The following RTCB variants were observed in gnomAD, a reference collection of about 807,000 sequenced individuals.
The protein encoded by RTCB is RNA 2',3'-cyclic phosphate and 5'-OH ligase, also known as RNA-splicing ligase RTCB.
A neutral mutation model predicts 58.2 loss-of-function variants in RTCB; 32 were observed. The ratio of observed to expected loss-of-function variants is 0.55; its 90% CI spans 0.41 to 0.74. RTCB has a LOEUF of 0.74. RTCB is among the 30% of genes least tolerant of loss of function. RTCB has a pLI of 0.00. For missense variants in RTCB, 523 were observed against 639.0 expected (o/e 0.82, Z 1.96); for synonymous variants, 247 against 218.6 (o/e 1.13, Z -1.15).
rs1050398513 is a variant in RTCB, at chr22:32,401,501, T to A, written c.497+246A>T. 1.3e-5 allele frequency: 5 copies of A among 399,474 alleles called. No individual in the cohort carries two copies. In the Admixed American group the frequency reaches 1.6e-4, roughly 13 times the overall value. The allele number at this position is 399,474 out of a possible 1,614,324, so 24.7% of individuals were successfully genotyped here. ...TCAGCACCTTACACATAGAAAGTGC[T>A]CAATAAACGTTGGTGGATATGATGT... On this transcript the variant is annotated intron_variant, in intron 5 of 11. Coordinates refer to ENST00000216038, the MANE Select transcript of RTCB (RefSeq NM_014306.5).
intron 1 of RTCB, among the ~76,000 whole-genome samples, chr22:32,411,421 C>G (rs1933521561): frequency 6.6e-6 from 1 of 152,180 alleles, no homozygotes; most frequent in Non-Finnish European, 1.5e-5. Context: ...TCTGGGACGT[C>G]AAAGAAGTAA....
Position 32,412,123 on chromosome 22 carries a change from A to G in RTCB, c.34T>C (p.Leu12=). ...CAGCAGTTTTTATTGATCTTCTCCA[A>G]GAACTGCAGCTCATCATTATAGCTG... The part of the protein sequence containing the change: ...SRSYNDELQF[L]EKINKNCWRI... The change falls in exon 1 of 12, where the codon TTG becomes CTG. Residue 12 remains leucine, a synonymous_variant. Transcript: ENST00000216038. The G allele has an allele frequency of 6.2e-7, 1 of 1,607,582 alleles. No individual in the cohort carries two copies. Among genetic ancestry groups the G allele is most frequent in the Non-Finnish European group, 8.5e-7 (1 of 1,177,862 alleles).
At chr22:32,392,082 A>G (rs1433154644) in intron 11 of RTCB, among the ~76,000 whole-genome samples, 158 bp downstream of exon 11, 1 of 152,206 alleles carries the variant, frequency 6.6e-6, no homozygotes, top group Non-Finnish European at 1.5e-5. Context: ...AAACTGAAAT[A>G]AGCTAATCCA....
intron 9 of RTCB, 144 bp downstream of exon 9, chr22:32,394,882 G>T: frequency 1.4e-6 from 1 of 713,342 alleles, no homozygotes; most frequent in Non-Finnish European, 2.3e-6. Context: ...TACTGCTTCA[G>T]AGAAGATTGG....
chr22:32,404,357 T>C (rs1412413966), intron 4 of RTCB, among the ~76,000 whole-genome samples: 1 of 152,370 alleles, frequency 6.6e-6, no homozygotes, highest in East Asian at 1.9e-4. Context: ...AGTTATTTTC[T>C]CATTTCCATA....
chr22:32,399,976 G>C, intron 5 of RTCB: 1 of 407,754 alleles, frequency 2.5e-6, no homozygotes, highest in East Asian at 3.5e-5. Context: ...TGCCCTATTA[G>C]ACATCATTAT....
chr22:32,398,041 G>A lies in RTCB; in HGVS notation c.714C>T (p.Phe238=). ...YAEIQVVDEI[F]NEYAAKKMGI... The stretch of plus-strand genomic sequence containing the variant: ...CCATTTTTTTAGCAGCATACTCATT[G>A]AAAATCTCATCCACAACCTGGATTT... The change falls in exon 7 of 12, where the codon TTC becomes TTT. Residue 238 remains phenylalanine, a synonymous_variant. Coordinates refer to ENST00000216038, the MANE Select transcript of RTCB (RefSeq NM_014306.5). 1.2e-6 allele frequency: 2 copies of A among 1,614,056 alleles called. No homozygotes were observed. Among genetic ancestry groups the A allele is most frequent in the Non-Finnish European group, 1.7e-6 (2 of 1,180,026 alleles).
chr22:32,392,145 T>C, intron 11 of RTCB, 95 bp downstream of exon 11: 1 of 1,319,302 alleles, frequency 7.6e-7, no homozygotes. Flanking sequence ...AAACAATTTC[T>C]GTTAGTAACA....
rs1042760267 is a variant in RTCB at position 32,412,209 on chromosome 22, C to T, written c.-53G>A. 4.8e-6 allele frequency: 7 copies of T among 1,454,478 alleles called. No individual in the cohort carries two copies. The highest frequency in any genetic ancestry group is 5.7e-6 in the Non-Finnish European group (6 of 1,060,368). The allele number at this position is 1,454,478 out of a possible 1,614,324, so 90.1% of individuals were successfully genotyped here. ...CGGCTCCGCTTTGAAGAGCCGCTGC[C>T]GCGTAGTCCGGCTTCTCAGAGCACC... On this transcript the variant is annotated 5_prime_UTR_variant, in exon 1 of 12. Transcript: ENST00000216038.
Position 32,399,771 on chromosome 22 carries a change from T to A in RTCB, c.498-12A>T. ...CCTCCTCCAAGTCTCTGGATAAGTA[T>A]AAAAGGTGCTAGTCATCTCACAGCA... is the stretch of plus-strand genomic sequence containing the variant. On this transcript the variant is annotated splice_polypyrimidine_tract_variant and intron_variant, in intron 5 of 11. Coordinates refer to ENST00000216038, the MANE Select transcript of RTCB (RefSeq NM_014306.5). 6.2e-7 allele frequency: 1 copy of A among 1,609,920 alleles called. No individual in the cohort carries two copies. The highest frequency in any genetic ancestry group is 2.2e-5 in the East Asian group (1 of 44,802).
intron 5 of RTCB, among the ~76,000 whole-genome samples, chr22:32,400,893 G>A (rs1362423743): frequency 1.3e-5 from 2 of 152,094 alleles, no homozygotes; most frequent in African/African-American, 4.8e-5. Context: ...GCTATGACAC[G>A]GTAAAATCTA....
Position 32,387,624 on chromosome 22 carries a change from C to A in RTCB, c.*368G>T. On this transcript the variant is annotated 3_prime_UTR_variant, in exon 12 of 12. Transcript: ENST00000216038. Reference sequence around the variant, plus strand: ...TTGAACAGAACTTTCTTCATGACACCTCTCGGAATGTAAACAGAGCTTGGT... The same window carrying A: ...TTGAACAGAACTTTCTTCATGACACATCTCGGAATGTAAACAGAGCTTGGT... 1 of 201,048 alleles carries A rather than the reference C, an allele frequency of 5.0e-6. No homozygotes were observed. Among genetic ancestry groups the A allele is most frequent in the Non-Finnish European group, 1.0e-5 (1 of 97,994 alleles). The allele number at this position is 201,048 out of a possible 1,614,324, so 12.5% of individuals were successfully genotyped here.
chr22:32,410,869 T>C (rs544747186), intron 1 of RTCB, among the ~76,000 whole-genome samples: 4 of 152,206 alleles, frequency 2.6e-5, no homozygotes, highest in Non-Finnish European at 5.9e-5. Context: ...CCACCCCGCC[T>C]GGCTAATTAA....
At chr22:32,396,005 T>A in intron 8 of RTCB, 69 bp downstream of exon 8, 1 of 1,512,868 alleles carries the variant, frequency 6.6e-7, no homozygotes, top group South Asian at 1.2e-5. Context: ...CAGCCTGGAC[T>A]GCACTATGTT....
chr22:32,408,899 A>G, intron 1 of RTCB, 66 bp from the exon 2 acceptor site: 1 of 1,076,796 alleles, frequency 9.3e-7, no homozygotes, highest in Admixed American at 1.7e-5. Context: ...CACTGGACAG[A>G]ATGCACTGTA....
At chr22:32,393,799 G>T in intron 10 of RTCB, 93 bp downstream of exon 10, 1 of 875,808 alleles carries the variant, frequency 1.1e-6, no homozygotes, top group Non-Finnish European at 1.9e-6. Flanking sequence ...TCTCAACTCT[G>T]TTAATGTTCA....
intron 11 of RTCB, among the ~76,000 whole-genome samples, chr22:32,389,394 T>A (rs886635483): frequency 6.6e-6 from 1 of 152,240 alleles, no homozygotes; most frequent in Non-Finnish European, 1.5e-5. Context: ...TCTCTCCTTT[T>A]ATTTTTTTAC....
At position 32,395,990 on chromosome 22, in the gene RTCB, G is replaced by A. The variant is rs750396890; in HGVS notation, c.990+84C>T. 2.8e-5 allele frequency: 39 copies of A among 1,390,738 alleles called. 1 individual carries two copies. Among genetic ancestry groups the A allele is most frequent in the East Asian group, 1.4e-4 (6 of 42,868 alleles). The allele number at this position is 1,390,738 out of a possible 1,614,324, so 86.1% of individuals were successfully genotyped here. On this transcript the variant is annotated intron_variant, in intron 8 of 11. Transcript: ENST00000216038. ...GTTGGGATTACAGGCATGAGCCACCGTGTCCAGCCTGGACTGCACTATGTT... is the reference window on the plus strand; with the variant it reads ...GTTGGGATTACAGGCATGAGCCACCATGTCCAGCCTGGACTGCACTATGTT...
chr22:32,395,539 G>C (rs1027316757), intron 8 of RTCB, among the ~76,000 whole-genome samples: 1 of 152,160 alleles, frequency 6.6e-6, no homozygotes, highest in Non-Finnish European at 1.5e-5. Context: ...ACAAATTCTA[G>C]GAATAATTTT....
Sources: gnomAD v4.1 joint callset for allele counts (sites outside exome capture counted in the v4.1 genomes callset) on GRCh38, gnomAD v4.1.1 for gene constraint, MANE v1.5 for transcripts, NCBI Gene and HGNC (gene_info 2026-07-23, HGNC 2026-07-21) for gene names.